Variants in SLC38A10 observed in about 807,000 individuals in gnomAD.
SLC38A10 encodes solute carrier family 38 member 10.
A neutral mutation model predicts 81.0 loss-of-function variants in SLC38A10; 53 were observed. The ratio of observed to expected loss-of-function variants is 0.65; its 90% CI spans 0.53 to 0.82. The LOEUF is 0.82. Among genes scored for constraint, SLC38A10 ranks in the 40% least tolerant of loss-of-function variants. The probability of loss-of-function intolerance (pLI) is 0.00; values close to 1 mark genes in which losing one functional copy is unlikely to be tolerated. For synonymous variants in SLC38A10, 665 were observed against 655.3 expected (o/e 1.01, Z -0.23); for missense variants, 1,471 against 1,545.0 (o/e 0.95, Z 0.80).
At chr17:81,280,495 C>T in intron 6 of SLC38A10, 114 bp downstream of exon 6, 1 of 1,483,194 alleles carries the variant, frequency 6.7e-7, no homozygotes, top group Non-Finnish European at 9.1e-7. Context: ...AGACATCACT[C>T]TTTAGCAGCC....
chr17:81,280,196 T>C (rs1039642007), intron 6 of SLC38A10: 2 of 446,206 alleles, frequency 4.5e-6, no homozygotes, highest in African/African-American at 2.0e-5. Context: ...CGCGCGCACA[T>C]GCAGGCCTCC....
At chr17:81,267,499 C>T (rs2063080189) in intron 10 of SLC38A10, among the ~76,000 whole-genome samples, 2 of 151,962 alleles carry the variant, frequency 1.3e-5, no homozygotes, top group Admixed American at 1.3e-4. Flanking sequence ...TCCCTTCTTT[C>T]TTTCCTTCTT....
chr17:81,273,246 G>A (rs1400629422), intron 8 of SLC38A10, among the ~76,000 whole-genome samples: 4 of 152,218 alleles, frequency 2.6e-5, no homozygotes, highest in East Asian at 3.8e-4. Context: ...CATTCATTCC[G>A]GAGGAGGCGG....
Position 81,283,446 on chromosome 17 carries a change from A to C in SLC38A10, c.320T>G (p.Leu107Trp), listed in dbSNP as rs773068694. ...CAGCCGGGCAAAGAAGTTGGACCCC[A>C]AGTCGCCGATCACGACGTAGAAGGC... The part of the protein sequence containing the change: ...CIAFYVVIGD[L>W]GSNFFARLFG... The change falls in exon 4 of 16, where the codon TTG (leucine) becomes TGG (tryptophan). Residue 107 changes from leucine to tryptophan, a missense_variant. Physicochemically the swap from Leu to Trp is moderately conservative, Grantham distance 61. Transcript: ENST00000374759. The surrounding 1 kb of genome is among the most constrained non-coding windows in gnomAD (Gnocchi z 4.7). 5.5e-5 allele frequency: 88 copies of C among 1,612,262 alleles called. No homozygotes were observed. The highest frequency in any genetic ancestry group is 7.0e-5 in the Non-Finnish European group (82 of 1,179,220).
chr17:81,251,923 C>G, intron 13 of SLC38A10: 1 of 541,068 alleles, frequency 1.8e-6, no homozygotes, highest in Non-Finnish European at 3.0e-6. Flanking sequence ...CCCCGCGCCG[C>G]CCCCCGTGTG....
Position 81,246,570 on chromosome 17 carries a change from G to A in SLC38A10, c.2346C>T (p.Asp782=), listed in dbSNP as rs944721915. Residue 782 remains aspartate (D), a synonymous_variant, in exon 16 of 16, where the codon GAC becomes GAT. Transcript: ENST00000374759. ...GGCCCCCAGGAGCTCTGAGGACAGGGTCCAAAGGCAGGGGAGGCAGATTCT... is the reference window on the plus strand; with the variant it reads ...GGCCCCCAGGAGCTCTGAGGACAGGATCCAAAGGCAGGGGAGGCAGATTCT... The part of the protein sequence containing the change: ...TVENLPPLPL[D]PVLRAPGGRP... The A allele has an allele frequency of 4.0e-6, 6 of 1,517,404 alleles. No individual in the cohort carries two copies. The highest frequency in any genetic ancestry group is 5.3e-6 in the Non-Finnish European group (6 of 1,134,926). The allele number at this position is 1,517,404 out of a possible 1,614,324, so 94.0% of individuals were successfully genotyped here. A position where few individuals can be genotyped will look rare whatever the true frequency, so the allele number is the denominator to read the frequency against.
rs61740870 is a variant in SLC38A10, at chr17:81,251,528, C to A, written c.2030G>T (p.Arg677Leu). The A allele has an allele frequency of 1.3e-6, 2 of 1,581,696 alleles. No individual in the cohort carries two copies. The highest frequency in any genetic ancestry group is 2.7e-5 in the African/African-American group (2 of 73,816). Reference sequence around the variant, plus strand: ...GCTGGCCGCCTGGTTTCCACCCGCTCGCTCCACGTCCCTCTGCTCGCGAGG... The same window carrying A: ...GCTGGCCGCCTGGTTTCCACCCGCTAGCTCCACGTCCCTCTGCTCGCGAGG... The part of the protein sequence containing the change: ...PEPREQRDVE[R>L]AGGNQAASQL... Residue 677 changes from arginine (R) to leucine (L), a missense_variant, in exon 14 of 16, where the codon CGA (arginine) becomes CTA (leucine). Arg to Leu is a moderately radical substitution (Grantham distance 102, BLOSUM62 -2). Transcript: ENST00000374759.
At chr17:81,274,671 C>A (rs1040768483) in intron 8 of SLC38A10, among the ~76,000 whole-genome samples, 1 of 152,146 alleles carries the variant, frequency 6.6e-6, no homozygotes, top group African/African-American at 2.4e-5. Context: ...ATGCTCGGAG[C>A]GCAAGACAGC....
At chr17:81,254,710 T>G (rs1360039740) in intron 11 of SLC38A10, among the ~76,000 whole-genome samples, 1 of 152,208 alleles carries the variant, frequency 6.6e-6, no homozygotes, top group Non-Finnish European at 1.5e-5. Context: ...TCTCCCAAAG[T>G]GCTGGGATTA....
rs780385583 is a variant in SLC38A10, at chr17:81,289,646, C to T, written c.217+45G>A. On this transcript the variant is annotated intron_variant, in intron 2 of 15. Coordinates refer to ENST00000374759, the MANE Select transcript of SLC38A10 (RefSeq NM_001037984.3). The surrounding 1 kb of genome is among the most constrained non-coding windows in gnomAD (Gnocchi z 5.9). ...AAATAAATAAATAAATGGAATAAGGCCCCCGCCCCAGGTCCAGAGCCACCT... is the reference window on the plus strand; with the variant it reads ...AAATAAATAAATAAATGGAATAAGGTCCCCGCCCCAGGTCCAGAGCCACCT... 14 of 1,339,368 alleles carry T rather than the reference C, an allele frequency of 1.0e-5. No individual in the cohort carries two copies. The highest frequency in any genetic ancestry group is 2.4e-4 in the Middle Eastern group (1 of 4,224). 83.0% of individuals were successfully genotyped at this position (1,339,368 alleles called of 1,614,324 possible).
chr17:81,251,552 G>A lies in SLC38A10; in HGVS notation c.2006C>T (p.Pro669Leu), dbSNP rs753490395. Residue 669 changes from proline (P) to leucine (L), a missense_variant, in exon 14 of 16, where the codon CCT (proline) becomes CTT (leucine). Pro to Leu is a moderately conservative substitution (Grantham distance 98). Coordinates refer to ENST00000374759, the MANE Select transcript of SLC38A10 (RefSeq NM_001037984.3). ...PAPGPGLPPE[P>L]REQRDVERAG... is the part of the protein sequence containing the mutation. ...TCGCTCCACGTCCCTCTGCTCGCGA[G>A]GCTCGGGCGGCAGCCCAGGCCCTGG... The A allele has an allele frequency of 2.0e-6, 3 of 1,513,312 alleles. No homozygotes were observed. The highest frequency in any genetic ancestry group is 2.6e-5 in the South Asian group (2 of 76,966). The allele number at this position is 1,513,312 out of a possible 1,614,324, so 93.7% of individuals were successfully genotyped here.
intron 1 of SLC38A10, among the ~76,000 whole-genome samples, chr17:81,294,187 C>A (rs1567952439): frequency 2.6e-5 from 4 of 152,146 alleles, no homozygotes; most frequent in Admixed American, 2.6e-4. Flanking sequence ...TGTGCCACCA[C>A]CCCCGGCTAA....
At chr17:81,247,084 C>CAA (rs777802619) in intron 14 of SLC38A10, 23 bp from the exon 15 acceptor site, 1 of 1,563,196 alleles carries the variant, frequency 6.4e-7, no homozygotes, top group Admixed American at 1.7e-5. Context: ...AGCACACAGT[C>CAA]AGAGTGCCCG....
chr17:81,250,873 G>A (rs1489043689), intron 14 of SLC38A10: 2 of 1,066,186 alleles, frequency 1.9e-6, no homozygotes, highest in African/African-American at 3.3e-5. Flanking sequence ...CGAGAAGTTT[G>A]GAGGAGGATT....
chr17:81,276,191 T>C lies in SLC38A10; in HGVS notation c.730-40A>G. 6.4e-7 allele frequency: 1 copy of C among 1,552,046 alleles called. No homozygotes were observed. Among genetic ancestry groups the C allele is most frequent in the African/African-American group, 1.4e-5 (1 of 73,646 alleles). ...GAAATGGCAACGTGGCAGACAGACA[T>C]CCTAGCCGAGTGGCACCTGTCACAG... On this transcript the variant is annotated intron_variant, in intron 7 of 15. Transcript: ENST00000374759. This position sits in a 1 kb window ranked among gnomAD's most constrained non-coding sequence, Gnocchi z 4.7.
intron 8 of SLC38A10, 67 bp downstream of exon 8, chr17:81,275,902 T>G: frequency 6.6e-7 from 1 of 1,504,644 alleles, no homozygotes; most frequent in East Asian, 2.4e-5. Context: ...TCGGGACAGC[T>G]GGGGGCTTAT....
rs372688928 is a variant in SLC38A10 at position 81,247,108 on chromosome 17, C to A, written c.2066-47G>T. On this transcript the variant is annotated intron_variant, in intron 14 of 15. Transcript: ENST00000374759. ...TCAGAGTGCCCGGGCTGCTCATGCA[C>A]CGTGCTGGGCCAGGGACGGCGCGGC... 1,350 of 1,528,182 alleles carry A rather than the reference C, an allele frequency of 8.8e-4. 2 individuals carry two copies. Among genetic ancestry groups the A allele is most frequent in the Non-Finnish European group, 1.0e-3 (1,192 of 1,138,634 alleles). 94.7% of individuals were successfully genotyped at this position (1,528,182 alleles called of 1,614,324 possible).
intron 14 of SLC38A10, chr17:81,251,222 G>C (rs775303765): frequency 6.3e-6 from 9 of 1,430,474 alleles, no homozygotes; most frequent in Non-Finnish European, 8.4e-6. Context: ...GTTTTAAAGG[G>C]GAGCAAGGGA....
chr17:81,286,534 C>G lies in SLC38A10; in HGVS notation c.218-1639G>C, dbSNP rs554712440. 5.3e-5 allele frequency among the ~76,000 whole-genome samples: 8 copies of G among 152,364 alleles called. No individual in the cohort carries two copies. The highest frequency in any genetic ancestry group is 1.9e-4 in the African/African-American group (8 of 41,580). On this transcript the variant is annotated intron_variant, in intron 2 of 15. Coordinates refer to ENST00000374759, the MANE Select transcript of SLC38A10 (RefSeq NM_001037984.3). The surrounding 1 kb of genome is among the most constrained non-coding windows in gnomAD (Gnocchi z 6.0). Reference sequence around the variant, plus strand: ...CAGTTGGACTGACCCCACTCCTTCACATCCTGCGTGGACTGGCACAGAGAA... The same window carrying G: ...CAGTTGGACTGACCCCACTCCTTCAGATCCTGCGTGGACTGGCACAGAGAA...
Sources: allele counts gnomAD v4.1 joint callset (sites outside exome capture counted in the v4.1 genomes callset), GRCh38; gene constraint gnomAD v4.1.1; non-coding constraint Gnocchi (gnomAD v3.1); transcripts MANE v1.5; gene names NCBI Gene and HGNC (gene_info 2026-07-23, HGNC 2026-07-21).